Variants in VWF observed in about 807,000 individuals in gnomAD.
The protein encoded by VWF is Factor VIII related antigen.
A neutral mutation model predicts 308.6 loss-of-function variants in VWF; 176 were observed. The observed-to-expected ratio is 0.57, with a 90% CI of 0.50 to 0.65. The LOEUF (loss-of-function observed/expected upper bound fraction) is 0.65, where lower values mean the gene tolerates loss of function less well. Among genes scored for constraint, VWF ranks in the 30% least tolerant of loss-of-function variants. VWF has a pLI of 0.00. For synonymous variants in VWF, 1,385 were observed against 1,443.4 expected (o/e 0.96, Z 0.92); for missense variants, 3,146 against 3,648.2 (o/e 0.86, Z 3.55).
At chr12:5,998,703 C>T (rs1342423862) in intron 34 of VWF, among the ~76,000 whole-genome samples, 4 of 151,384 alleles carry the variant, frequency 2.6e-5, no homozygotes, top group Non-Finnish European at 5.9e-5. Flanking sequence ...CAAGAAAATA[C>T]CCAAATTTTA....
intron 32 of VWF, 151 bp downstream of exon 32, chr12:6,013,330 T>G: frequency 1.0e-6 from 1 of 980,808 alleles, no homozygotes; most frequent in Non-Finnish European, 1.6e-6. Flanking sequence ...AACAGAAACT[T>G]AAAGGTCCTG....
intron 41 of VWF, among the ~76,000 whole-genome samples, 181 bp downstream of exon 41, chr12:5,982,969 C>T (rs1249783536): frequency 1.3e-5 from 2 of 152,186 alleles, no homozygotes; most frequent in African/African-American, 2.4e-5. Context: ...AGCGTGCAGC[C>T]GGAAGGATTC....
At chr12:6,090,087 A>G (rs1945014754) in intron 6 of VWF, among the ~76,000 whole-genome samples, 1 of 151,986 alleles carries the variant, frequency 6.6e-6, no homozygotes, top group Non-Finnish European at 1.5e-5. Flanking sequence ...CCTCCCGAGT[A>G]GCTGGGACTA....
Position 5,969,895 on chromosome 12 carries a change from G to A in VWF, c.7549-504C>T, listed in dbSNP as rs149688330. Among the ~76,000 whole-genome samples, 193 of 152,258 alleles carry A rather than the reference G, an allele frequency of 1.3e-3. 1 individual carries two copies. The highest frequency in any genetic ancestry group is 0.01 in the Middle Eastern group (3 of 292). The stretch of plus-strand genomic sequence containing the variant: ...CTGACCCCAAGGGTTGTCACCACGG[G>A]CAAGAAGCTGAAAGGGCCCAAGACC... On this transcript the variant is annotated intron_variant, in intron 44 of 51. Coordinates refer to ENST00000261405, the MANE Select transcript of VWF (RefSeq NM_000552.5).
chr12:6,040,204 AG>A (rs935768192), intron 18 of VWF, among the ~76,000 whole-genome samples: 34 of 152,114 alleles, frequency 2.2e-4, no homozygotes, highest in Non-Finnish European at 5.9e-5. Context: ...GCTGTCACCT[AG>A]TGGTGGTAGC....
chr12:6,078,207 C>CCGAGCATTAT (rs1369175899), intron 6 of VWF, among the ~76,000 whole-genome samples: 4 of 152,292 alleles, frequency 2.6e-5, no homozygotes, highest in South Asian at 4.1e-4. Flanking sequence ...TGAATGGTTG[C>CCGAGCATTAT]CGAGCATTAT....
At chr12:6,088,972 T>C (rs1033411975) in intron 6 of VWF, among the ~76,000 whole-genome samples, 3 of 152,186 alleles carry the variant, frequency 2.0e-5, no homozygotes, top group Non-Finnish European at 2.9e-5. Context: ...CTCCTTGCTA[T>C]GCCCTAGAAA....
At chr12:6,009,061 C>G (rs2136401046) in intron 34 of VWF, among the ~76,000 whole-genome samples, 2 of 152,110 alleles carry the variant, frequency 1.3e-5, no homozygotes, top group South Asian at 4.2e-4. Context: ...AAAAACAAGG[C>G]AACAAAAGCA....
At chr12:6,021,776 A>G (rs1324728901) in intron 27 of VWF, 124 bp downstream of exon 27, 2 of 1,156,100 alleles carry the variant, frequency 1.7e-6, no homozygotes, top group Admixed American at 4.0e-5. Context: ...AAATAAACAA[A>G]TAAAATAAAC....
At chr12:6,013,130 A>T (rs555507061) in intron 32 of VWF, among the ~76,000 whole-genome samples, 1 of 152,354 alleles carries the variant, frequency 6.6e-6, no homozygotes, top group East Asian at 1.9e-4. Flanking sequence ...CCCATGGGGA[A>T]GAAGACTATA....
intron 5 of VWF, among the ~76,000 whole-genome samples, chr12:6,098,436 C>A (rs556330517): frequency 2.2e-4 from 33 of 152,270 alleles, no homozygotes; most frequent in African/African-American, 7.9e-4. Context: ...CTACAATGAA[C>A]AAATGCCCTA....
intron 22 of VWF, among the ~76,000 whole-genome samples, chr12:6,027,701 A>G (rs1944210363): frequency 6.6e-6 from 1 of 152,218 alleles, no homozygotes; most frequent in Non-Finnish European, 1.5e-5. Context: ...GACCTCTCTC[A>G]GAGCCTCTAA....
intron 44 of VWF, among the ~76,000 whole-genome samples, chr12:5,970,745 T>C (rs1425302803): frequency 6.6e-6 from 1 of 152,154 alleles, no homozygotes; most frequent in Non-Finnish European, 1.5e-5. Context: ...AGCAGACCTT[T>C]GGCCTTCCTC....
At chr12:6,036,897 T>C (rs1406380714) in intron 18 of VWF, among the ~76,000 whole-genome samples, 30 of 152,122 alleles carry the variant, frequency 2.0e-4, no homozygotes, top group Admixed American at 2.0e-3. Context: ...CTGAGGGAAA[T>C]AGAATTATGG....
chr12:5,968,225 C>T lies in VWF; in HGVS notation c.7730-58G>A, dbSNP rs368673743. The T allele has an allele frequency of 3.1e-5, 50 of 1,605,670 alleles. No individual in the cohort carries two copies. The African/African-American group carries it at 5.4e-4, about 17-fold the overall frequency. On this transcript the variant is annotated intron_variant, in intron 45 of 51. Transcript: ENST00000261405. ...GCAAAACACACCCTGGTGAGACCGG[C>T]GAGCAGGCTGCTCTCTTTGGGGCTC...
intron 46 of VWF, 44 bp downstream of exon 46, chr12:5,968,083 C>T (rs377307620): frequency 1.1e-5 from 17 of 1,613,588 alleles, no homozygotes; most frequent in Non-Finnish European, 1.4e-5. Context: ...GTACCCCCTT[C>T]CCTGTCCCCA....
At chr12:6,088,384 C>T (rs1272061089) in intron 6 of VWF, among the ~76,000 whole-genome samples, 3 of 150,276 alleles carry the variant, frequency 2.0e-5, no homozygotes, top group Non-Finnish European at 3.0e-5. Context: ...GAGGCTGAGG[C>T]GGGAGAATGG....
At chr12:6,073,562 A>G in intron 8 of VWF, 57 bp downstream of exon 8, 1 of 1,612,458 alleles carries the variant, frequency 6.2e-7, no homozygotes, top group Non-Finnish European at 8.5e-7. Context: ...CTCACTTCCC[A>G]AAGCCAAGGG....
chr12:6,098,346 G>T (rs1340583485), intron 5 of VWF, among the ~76,000 whole-genome samples: 1 of 152,190 alleles, frequency 6.6e-6, no homozygotes, highest in Admixed American at 6.5e-5. Context: ...CTTAAAGCCT[G>T]GGAATATGAA....
Sources: allele counts gnomAD v4.1 joint callset (sites outside exome capture counted in the v4.1 genomes callset), GRCh38; gene constraint gnomAD v4.1.1; transcripts MANE v1.5; gene names NCBI Gene and HGNC (gene_info 2026-07-23, HGNC 2026-07-21).